NEO1: variants seen among roughly 807,000 people sequenced by gnomAD.
NEO1 encodes neogenin.
Under a neutral mutation model 159.7 loss-of-function variants are expected in NEO1, and 63 were observed. That is an observed-to-expected ratio of 0.39 (90% confidence interval 0.32 to 0.49). NEO1 has a LOEUF of 0.49. Ranked by LOEUF, NEO1 falls within the 20% of genes least tolerant of loss-of-function variation. The pLI is 0.85. For missense variants in NEO1, 1,615 were observed against 1,831.0 expected, an observed-to-expected ratio of 0.88 and a Z score of 2.15; for synonymous variants, 633 against 662.0, an observed-to-expected ratio of 0.96 and a Z score of 0.67.
Position 73,289,175 on chromosome 15 carries a change from C to T in NEO1, c.3679C>T (p.Leu1227=). ...TGAGTCAGAGGACAGCATGTCTACA[C>T]TGGCTGGAAGGCGAGGAATGAGACC... ...GHESEDSMST[L]AGRRGMRPKM... The change falls in exon 25 of 29, where the codon CTG becomes TTG. Residue 1227 remains leucine (L), a synonymous_variant. Coordinates refer to ENST00000261908, the MANE Select transcript of NEO1 (RefSeq NM_002499.4). The T allele has an allele frequency of 6.2e-7, 1 of 1,614,138 alleles. No individual in the cohort carries two copies. The highest frequency in any genetic ancestry group is 8.5e-7 in the Non-Finnish European group (1 of 1,180,026).
intron 8 of NEO1, among the ~76,000 whole-genome samples, 178 bp from the exon 9 acceptor site, chr15:73,244,161 CGTATG>C: frequency 6.6e-6 from 1 of 152,206 alleles, no homozygotes; most frequent in Non-Finnish European, 1.5e-5. Context: ...TTGTCAGATA[CGTATG>C]CCCTTGCTCT....
chr15:73,140,457 G>A (rs1372118649), intron 5 of NEO1, among the ~76,000 whole-genome samples: 2 of 152,178 alleles, frequency 1.3e-5, no homozygotes, highest in African/African-American at 4.8e-5. Flanking sequence ...TCAGGAGACT[G>A]AAGCAGGAGG....
chr15:73,166,238 C>A (rs1355992746), intron 5 of NEO1, among the ~76,000 whole-genome samples: 1 of 152,064 alleles, frequency 6.6e-6, no homozygotes. Flanking sequence ...AAATTGGAAC[C>A]CTTTTGCACT....
chr15:73,172,542 T>C lies in NEO1; in HGVS notation c.1016-3861T>C, dbSNP rs2035038754. 2.0e-5 allele frequency among the ~76,000 whole-genome samples: 3 copies of C among 152,202 alleles called. No individual in the cohort carries two copies. The South Asian group carries it at 6.2e-4, about 32-fold the overall frequency. On this transcript the variant is annotated intron_variant, in intron 5 of 28. Coordinates refer to ENST00000261908, the MANE Select transcript of NEO1 (RefSeq NM_002499.4). The stretch of plus-strand genomic sequence containing the variant: ...TAACCCAGGAGTTTGAAACCCACAT[T>C]TAGCAAAATGTCCAGTGGTAGAACC...
At chr15:73,226,273 G>A (rs2038585559) in intron 7 of NEO1, among the ~76,000 whole-genome samples, 1 of 152,138 alleles carries the variant, frequency 6.6e-6, no homozygotes, top group Admixed American at 6.5e-5. Flanking sequence ...GCGAGCCTCC[G>A]CACACTGCTC....
At position 73,124,906 on chromosome 15, in the gene NEO1, T is replaced by A. The variant is rs1017297260; in HGVS notation, c.725-1511T>A. ...CTATGAATTTGTTTAATTGATTCTA[T>A]CAAAATTCAATTAAATATACCTAAG... is the stretch of plus-strand genomic sequence containing the variant. On this transcript the variant is annotated intron_variant, in intron 3 of 28. Transcript: ENST00000261908. 2.6e-5 allele frequency among the ~76,000 whole-genome samples: 4 copies of A among 152,244 alleles called. No individual in the cohort carries two copies. The South Asian group carries it at 8.3e-4, about 32-fold the overall frequency.
At chr15:73,218,870 C>T (rs898165305) in intron 7 of NEO1, among the ~76,000 whole-genome samples, 35 of 152,262 alleles carry the variant, frequency 2.3e-4, no homozygotes, top group Non-Finnish European at 4.9e-4. Context: ...TTTCAAAAAA[C>T]CAGCTCCTGG....
At chr15:73,280,935 G>A (rs1296679963) in intron 22 of NEO1, among the ~76,000 whole-genome samples, 2 of 152,012 alleles carry the variant, frequency 1.3e-5, no homozygotes, top group Non-Finnish European at 2.9e-5. Context: ...GCCGGGCGCA[G>A]TGGCTCATGC....
chr15:73,111,688 T>C (rs1177465869), intron 1 of NEO1, among the ~76,000 whole-genome samples: 2 of 152,156 alleles, frequency 1.3e-5, no homozygotes, highest in Non-Finnish European at 1.5e-5. Context: ...TGGTGTAATC[T>C]TGGCTCACTG....
chr15:73,207,238 T>A (rs968373756), intron 7 of NEO1, among the ~76,000 whole-genome samples: 6 of 152,244 alleles, frequency 3.9e-5, no homozygotes, highest in African/African-American at 1.4e-4. Context: ...TTTTAATCAT[T>A]ACTTAAACAC....
At chr15:73,220,795 C>T (rs2150752368) in intron 7 of NEO1, among the ~76,000 whole-genome samples, 1 of 152,296 alleles carries the variant, frequency 6.6e-6, no homozygotes, top group East Asian at 1.9e-4. Context: ...TTAAGCACTT[C>T]TCTGTATTGG....
chr15:73,052,192 G>A (rs1388165898), upstream of NEO1, among the ~76,000 whole-genome samples: 1 of 149,022 alleles, frequency 6.7e-6, no homozygotes, highest in Non-Finnish European at 1.5e-5. Flanking sequence ...GCCCGCCACG[G>A]CCCGAGAGGC....
intron 7 of NEO1, among the ~76,000 whole-genome samples, chr15:73,195,537 TTTC>T (rs1304675589): frequency 1.3e-5 from 2 of 152,190 alleles, no homozygotes; most frequent in Non-Finnish European, 2.9e-5. Flanking sequence ...GAGAAATGTT[TTTC>T]TTTAGTATTA....
chr15:73,275,316 ATAT>A (rs2041357517), intron 21 of NEO1, among the ~76,000 whole-genome samples: 1 of 152,126 alleles, frequency 6.6e-6, no homozygotes, highest in Admixed American at 6.5e-5. Flanking sequence ...CTCCCCTTAA[ATAT>A]ATCTGATCAT....
chr15:73,252,946 C>T (rs976705782), intron 11 of NEO1, among the ~76,000 whole-genome samples: 26 of 152,254 alleles, frequency 1.7e-4, no homozygotes, highest in African/African-American at 5.5e-4. Context: ...GCCGACATCA[C>T]GCCATTGTGC....
At chr15:73,227,965 G>T (rs1193341510) in intron 7 of NEO1, among the ~76,000 whole-genome samples, 1 of 152,108 alleles carries the variant, frequency 6.6e-6, no homozygotes, top group Admixed American at 6.5e-5. Context: ...TGAACTTTAT[G>T]GTATGTAAAT....
At chr15:73,253,515 GA>G in intron 12 of NEO1, 66 bp downstream of exon 12, 1 of 1,088,038 alleles carries the variant, frequency 9.2e-7, no homozygotes, top group Non-Finnish European at 1.3e-6. Flanking sequence ...GGGGCTTATA[GA>G]AAGGGAGATT....
chr15:73,257,386 A>G (rs1365897032), intron 13 of NEO1, among the ~76,000 whole-genome samples: 2 of 152,098 alleles, frequency 1.3e-5, no homozygotes, highest in African/African-American at 4.8e-5. Context: ...TATTAAGAAA[A>G]TTCTTACATT....
chr15:73,080,095 A>G (rs1239452296), intron 1 of NEO1, among the ~76,000 whole-genome samples: 1 of 152,208 alleles, frequency 6.6e-6, no homozygotes, highest in Non-Finnish European at 1.5e-5. Context: ...GAGACCTACA[A>G]ATAATTGATG....
Sources: gnomAD v4.1 joint callset for allele counts (sites outside exome capture counted in the v4.1 genomes callset) on GRCh38, gnomAD v4.1.1 for gene constraint, MANE v1.5 for transcripts, NCBI Gene and HGNC (gene_info 2026-07-23, HGNC 2026-07-21) for gene names.